CHLSN: variants seen among roughly 807,000 people sequenced by gnomAD.
CHLSN encodes protein cholesin.
chr7:1,120,643 C>T, the CHLSN span, among the ~76,000 whole-genome samples: 14 of 152,230 alleles, frequency 9.2e-5, no homozygotes, highest in Non-Finnish European at 1.6e-4. Context: ...TCCAGCAATT[C>T]CGGTCCTCGG....
At chr7:1,031,949 G>C in the CHLSN span, among the ~76,000 whole-genome samples, 1 of 152,120 alleles carries the variant, frequency 6.6e-6, no homozygotes, top group South Asian at 2.1e-4. Context: ...ACGTGCCGAG[G>C]GGGTGAGAGC....
At chr7:1,093,208 A>G in the CHLSN span, 3 of 509,438 alleles carry the variant, frequency 5.9e-6, no homozygotes, top group South Asian at 4.6e-5. Context: ...GTCGACCAGG[A>G]AAGCCACACG....
chr7:1,116,210 T>C, the CHLSN span, among the ~76,000 whole-genome samples: 28,130 of 92,182 alleles, frequency 0.31, 3,376 homozygotes, highest in Middle Eastern at 0.58. Flanking sequence ...CTCTAGGGAC[T>C]GGCTTCCATC....
the CHLSN span, among the ~76,000 whole-genome samples, chr7:1,017,024 G>A: frequency 4.0e-5 from 6 of 151,060 alleles, no homozygotes; most frequent in African/African-American, 1.5e-4. Context: ...ACACAGCAGC[G>A]CCCACCCACG....
At chr7:1,093,128 C>T in the CHLSN span, 1 of 634,216 alleles carries the variant, frequency 1.6e-6, no homozygotes, top group Non-Finnish European at 3.0e-6. Flanking sequence ...CAGCCTGTCA[C>T]CCAGCTCCTC....
At chr7:1,117,721 G>A in the CHLSN span, among the ~76,000 whole-genome samples, 1 of 137,026 alleles carries the variant, frequency 7.3e-6, no homozygotes, top group Non-Finnish European at 1.5e-5. Context: ...CATCACCAAC[G>A]CCCACGCAGG....
At chr7:1,093,376 C>T in the CHLSN span, 7 of 435,626 alleles carry the variant, frequency 1.6e-5, no homozygotes, top group Non-Finnish European at 3.4e-5. Context: ...AGCTAGCGCA[C>T]CGCCGAGTTA....
chr7:979,010 G>A, the CHLSN span, among the ~76,000 whole-genome samples: 7 of 152,162 alleles, frequency 4.6e-5, no homozygotes, highest in Non-Finnish European at 7.3e-5. Context: ...GCCCCTCTAC[G>A]AGCTGCTGGG....
chr7:1,066,560 G>A, the CHLSN span, among the ~76,000 whole-genome samples: 5 of 152,228 alleles, frequency 3.3e-5, no homozygotes, highest in Admixed American at 1.3e-4. Flanking sequence ...GAAAAAGCTG[G>A]AGGAGAGAAG....
At chr7:1,059,828 C>G in the CHLSN span, among the ~76,000 whole-genome samples, 1 of 17,862 alleles carries the variant, frequency 5.6e-5, no homozygotes, top group African/African-American at 2.8e-4. Flanking sequence ...TGTAGTGGGG[C>G]GGGTCTGTAG....
chr7:1,108,351 T>TGTCCCACACTGAA, the CHLSN span, among the ~76,000 whole-genome samples: 1 of 69,428 alleles, frequency 1.4e-5, no homozygotes, highest in African/African-American at 6.4e-5. Flanking sequence ...AGGGGGGCTG[T>TGTCCCACACTGAA]GTCCCGCACC....
the CHLSN span, among the ~76,000 whole-genome samples, chr7:1,016,612 C>A: frequency 1.7e-5 from 2 of 120,162 alleles, no homozygotes; most frequent in African/African-American, 7.4e-5. Flanking sequence ...CGTACAGCAG[C>A]GCACGCCAGA....
the CHLSN span, among the ~76,000 whole-genome samples, chr7:1,136,058 A>G: frequency 1.7e-5 from 2 of 116,318 alleles, no homozygotes; most frequent in East Asian, 5.3e-4. Flanking sequence ...GTATATATAA[A>G]TATATATAAA....
chr7:1,018,775 C>T, the CHLSN span, among the ~76,000 whole-genome samples: 1 of 151,648 alleles, frequency 6.6e-6, no homozygotes, highest in Admixed American at 6.6e-5. Flanking sequence ...AGAGTGAGAC[C>T]CTCAAAAAAA....
At chr7:1,002,704 T>A in the CHLSN span, among the ~76,000 whole-genome samples, 1 of 40,642 alleles carries the variant, frequency 2.5e-5, no homozygotes, top group Non-Finnish European at 4.1e-5. Context: ...TGGAGCCCTG[T>A]GGGTGAGTGG....
chr7:1,023,156 C>A, the CHLSN span: 277 of 366,108 alleles, frequency 7.6e-4, 3 homozygotes, highest in African/African-American at 5.4e-3. The surrounding 1 kb of genome is among the most constrained non-coding windows in gnomAD (Gnocchi z 5.0). Context: ...CGCGTGAGGT[C>A]TGATGCACAG....
the CHLSN span, among the ~76,000 whole-genome samples, chr7:1,121,188 G>A: frequency 3.9e-5 from 6 of 152,264 alleles, no homozygotes; most frequent in South Asian, 1.0e-3. Flanking sequence ...TGTTCCTCAG[G>A]TTCCACCTGC....
At chr7:1,082,837 G>C in the CHLSN span, among the ~76,000 whole-genome samples, 2 of 152,238 alleles carry the variant, frequency 1.3e-5, no homozygotes, top group East Asian at 1.9e-4. Flanking sequence ...GGAAGCACCG[G>C]GGAGTGTGGT....
At chr7:1,089,564 G>A in the CHLSN span, among the ~76,000 whole-genome samples, 670 of 152,108 alleles carry the variant, frequency 4.4e-3, 5 homozygotes, top group African/African-American at 0.015. Context: ...GACTACAGGC[G>A]CACACCACTA....
Sources: gnomAD v4.1 joint callset for allele counts (sites outside exome capture counted in the v4.1 genomes callset) on GRCh38, gnomAD v4.1.1 for gene constraint, Gnocchi (gnomAD v3.1) non-coding constraint, MANE v1.5 for transcripts, NCBI Gene and HGNC (gene_info 2026-07-23, HGNC 2026-07-21) for gene names.